The following STPG2 variants were observed in gnomAD, a reference collection of about 807,000 sequenced individuals.
STPG2 encodes sperm-tail PG-rich repeat-containing protein 2.
STPG2 carries 56 observed loss-of-function variants against 54.2 expected under a neutral mutation model. The ratio of observed to expected loss-of-function variants is 1.03; its 90% CI spans 0.83 to 1.29. The LOEUF is 1.29. Ranked by LOEUF, STPG2 falls within the 50% of genes most tolerant of loss-of-function variation. STPG2 has a pLI of 0.00. For missense variants in STPG2, 596 were observed against 544.9 expected, an observed-to-expected ratio of 1.09 and a Z score of -0.93; for synonymous variants, 200 against 181.8, an observed-to-expected ratio of 1.10 and a Z score of -0.81.
At position 97,631,367 on chromosome 4, in the gene STPG2, A is replaced by C. The variant is rs1359537965; in HGVS notation, c.1321-72250T>G. The stretch of plus-strand genomic sequence containing the variant: ...TAGAATCATTTACCAAATGACTTGG[A>C]CAATGCTTACAAGACTTCGTAACAA... On this transcript the variant is annotated intron_variant, in intron 10 of 10. Transcript: ENST00000295268. Among the ~76,000 whole-genome samples, 3 of 152,070 alleles carry C rather than the reference A, an allele frequency of 2.0e-5. No homozygotes were observed. The South Asian group carries it at 6.2e-4, about 31-fold the overall frequency.
At chr4:98,066,180 A>T (rs1422481010) in intron 5 of STPG2, among the ~76,000 whole-genome samples, 1 of 152,222 alleles carries the variant, frequency 6.6e-6, no homozygotes, top group African/African-American at 2.4e-5. Context: ...ACAAAATTAC[A>T]TATTTAGCAA....
chr4:97,478,080 A>G (rs1730123789), intron 4 of STPG2, among the ~76,000 whole-genome samples: 1 of 152,180 alleles, frequency 6.6e-6, no homozygotes, highest in South Asian at 2.1e-4. Context: ...AAAACGTTAA[A>G]CAGATTCAAA....
intron 5 of STPG2, among the ~76,000 whole-genome samples, chr4:98,098,337 T>C (rs1560677923): frequency 6.6e-6 from 1 of 152,094 alleles, no homozygotes; most frequent in African/African-American, 2.4e-5. Flanking sequence ...AGTGAACTCA[T>C]TTTTGACTAA....
chr4:98,073,578 T>C (rs939949793), intron 5 of STPG2, among the ~76,000 whole-genome samples: 1 of 151,902 alleles, frequency 6.6e-6, no homozygotes, highest in Non-Finnish European at 1.5e-5. Flanking sequence ...ATACAAAAAA[T>C]TAGTTGGGCG....
At chr4:97,667,287 A>G (rs1722558038) in intron 10 of STPG2, among the ~76,000 whole-genome samples, 1 of 152,248 alleles carries the variant, frequency 6.6e-6, no homozygotes, top group South Asian at 2.1e-4. Context: ...AAATACTTCA[A>G]CAAACATTTT....
At chr4:97,540,620 T>C (rs536435953) in intron 4 of STPG2, among the ~76,000 whole-genome samples, 31 of 152,256 alleles carry the variant, frequency 2.0e-4, no homozygotes, top group African/African-American at 7.5e-4. Flanking sequence ...CCCTCTTTTA[T>C]GAGGCCAGCA....
intron 3 of STPG2, among the ~76,000 whole-genome samples, chr4:98,114,511 C>T (rs1334250084): frequency 6.6e-6 from 1 of 151,948 alleles, no homozygotes; most frequent in Non-Finnish European, 1.5e-5. Flanking sequence ...ATTTTGATGT[C>T]ATCTTTTACA....
chr4:97,683,665 T>G (rs1723100135), intron 10 of STPG2, among the ~76,000 whole-genome samples: 1 of 151,826 alleles, frequency 6.6e-6, no homozygotes, highest in East Asian at 1.9e-4. Context: ...AGCCTCATAC[T>G]TGATGTTGAG....
At chr4:97,687,186 G>A (rs1372271396) in intron 10 of STPG2, among the ~76,000 whole-genome samples, 2 of 151,782 alleles carry the variant, frequency 1.3e-5, no homozygotes, top group Non-Finnish European at 2.9e-5. Context: ...TCCCGACCTC[G>A]TGATCCACCC....
intron 8 of STPG2, among the ~76,000 whole-genome samples, chr4:97,919,504 T>C (rs959232154): frequency 1.6e-4 from 24 of 151,918 alleles, no homozygotes; most frequent in Admixed American, 2.6e-4. Context: ...AACTTAACTA[T>C]AGTTTTCATA....
chr4:97,648,563 A>C (rs1721978599), intron 10 of STPG2, among the ~76,000 whole-genome samples: 1 of 152,154 alleles, frequency 6.6e-6, no homozygotes, highest in African/African-American at 2.4e-5. Context: ...TTACTACTAA[A>C]ATGAACATAG....
intron 7 of STPG2, among the ~76,000 whole-genome samples, chr4:97,950,387 T>A (rs566628124): frequency 6.6e-6 from 1 of 152,294 alleles, no homozygotes; most frequent in East Asian, 1.9e-4. Flanking sequence ...TCTAGCCTAT[T>A]GTTAAAACCT....
intron 10 of STPG2, among the ~76,000 whole-genome samples, chr4:97,609,955 T>A (rs1229424769): frequency 1.3e-5 from 2 of 151,920 alleles, no homozygotes; most frequent in Non-Finnish European, 2.9e-5. Flanking sequence ...TATATGTGTA[T>A]TTTTGATGTT....
intron 10 of STPG2, among the ~76,000 whole-genome samples, chr4:97,594,856 T>C (rs183240202): frequency 1.3e-5 from 2 of 152,298 alleles, no homozygotes; most frequent in Admixed American, 1.3e-4. Flanking sequence ...AAAATGCTCA[T>C]CATCACTGGC....
chr4:97,631,031 C>T (rs1049035011), intron 10 of STPG2, among the ~76,000 whole-genome samples: 2 of 151,796 alleles, frequency 1.3e-5, no homozygotes, highest in Non-Finnish European at 3.0e-5. Context: ...TTAAAAACTA[C>T]TCTGAAAATG....
rs552783143 is a variant in STPG2, at chr4:98,027,448, G to T, written c.613-46130C>A. On this transcript the variant is annotated intron_variant, in intron 5 of 10. Coordinates refer to ENST00000295268, the MANE Select transcript of STPG2 (RefSeq NM_174952.3). ...CTAATCTAAATCTCATCAGCTCAAA[G>T]AACCCAAATTCACATCATCTGAAAA... is the stretch of plus-strand genomic sequence containing the variant. Among the ~76,000 whole-genome samples, 13 of 152,236 alleles carry T rather than the reference G, an allele frequency of 8.5e-5. 1 individual carries two copies. The South Asian group carries it at 2.7e-3, about 32-fold the overall frequency.
rs1168351079 is a variant in STPG2 at position 97,796,051 on chromosome 4, GT to G, written c.1204+44721del. Among the ~76,000 whole-genome samples the G allele has an allele frequency of 2.6e-5, 4 of 151,854 alleles. No individual in the cohort carries two copies. The South Asian group carries it at 8.3e-4, about 32-fold the overall frequency. ...CGTCCACTTTTAGATGGGGTTGTTT[GT>G]TTTTTTCTTGTAAATTTGTTTGAGT... On this transcript the variant is annotated intron_variant, in intron 9 of 10. Coordinates refer to ENST00000295268, the MANE Select transcript of STPG2 (RefSeq NM_174952.3).
chr4:97,945,719 GT>G (rs1039602232), intron 7 of STPG2, among the ~76,000 whole-genome samples: 1 of 134,930 alleles, frequency 7.4e-6, no homozygotes, highest in Non-Finnish European at 1.7e-5. Context: ...AACATCTATT[GT>G]TTTTTTGGGT....
intron 8 of STPG2, among the ~76,000 whole-genome samples, chr4:97,904,874 G>A (rs1445614308): frequency 6.6e-6 from 1 of 152,166 alleles, no homozygotes; most frequent in East Asian, 1.9e-4. Flanking sequence ...AAGATGAAAT[G>A]AATGAAATGA....
Sources: gnomAD v4.1 joint callset for allele counts (sites outside exome capture counted in the v4.1 genomes callset) on GRCh38, gnomAD v4.1.1 for gene constraint, MANE v1.5 for transcripts, NCBI Gene and HGNC (gene_info 2026-07-23, HGNC 2026-07-21) for gene names.